Variants in CCDC85A observed in about 807,000 individuals in gnomAD.
CCDC85A encodes the protein coiled-coil domain containing 85A.
A neutral mutation model predicts 50.2 loss-of-function variants in CCDC85A; 38 were observed. The observed-to-expected ratio is 0.76, with a 90% confidence interval of 0.58 to 0.99. The LOEUF (loss-of-function observed/expected upper bound fraction) is 0.99. Among genes scored for constraint, CCDC85A ranks in the 50% least tolerant of loss-of-function variants. CCDC85A has a pLI of 0.00. For missense variants in CCDC85A, 820 were observed against 742.0 expected, an observed-to-expected ratio of 1.11 and a Z score of -1.22; for synonymous variants, 366 against 301.4, an observed-to-expected ratio of 1.21 and a Z score of -2.22.
At chr2:56,190,703 G>A (rs186526224) in intron 1 of CCDC85A, among the ~76,000 whole-genome samples, 120 of 152,182 alleles carry the variant, frequency 7.9e-4, no homozygotes, top group Non-Finnish European at 1.4e-3. Flanking sequence ...TGTGTGATGA[G>A]GAGGGGTGTT....
chr2:56,267,078 A>T (rs986942629), intron 2 of CCDC85A, among the ~76,000 whole-genome samples: 1 of 152,068 alleles, frequency 6.6e-6, no homozygotes, highest in Non-Finnish European at 1.5e-5. Flanking sequence ...TGTTGTATGT[A>T]ATTATGGACA....
At chr2:56,316,558 G>A (rs963064928) in intron 2 of CCDC85A, among the ~76,000 whole-genome samples, 3 of 152,098 alleles carry the variant, frequency 2.0e-5, no homozygotes, top group Non-Finnish European at 2.9e-5. Flanking sequence ...GTTTACTGGT[G>A]TAGATATGAT....
intron 1 of CCDC85A, among the ~76,000 whole-genome samples, chr2:56,191,781 G>A (rs961790938): frequency 2.6e-5 from 4 of 152,218 alleles, no homozygotes; most frequent in African/African-American, 9.7e-5. Context: ...GTAGGGGTTG[G>A]ATGTGCAGGG....
chr2:56,193,530 G>A, intron 2 of CCDC85A, 90 bp downstream of exon 2: 1 of 1,396,908 alleles, frequency 7.2e-7, no homozygotes, highest in South Asian at 1.5e-5. Flanking sequence ...ATGTAAGAAA[G>A]TGCAGGCGCT....
intron 2 of CCDC85A, among the ~76,000 whole-genome samples, chr2:56,285,271 T>A (rs1467343107): frequency 6.6e-6 from 1 of 151,048 alleles, no homozygotes; most frequent in East Asian, 1.9e-4. Flanking sequence ...CCAGCTAATT[T>A]TTTTGTGTTT....
chr2:56,335,866 C>T (rs1674047252), intron 2 of CCDC85A, among the ~76,000 whole-genome samples: 1 of 152,076 alleles, frequency 6.6e-6, no homozygotes. Context: ...TGCTAAAGTG[C>T]TGGGATTACA....
intron 2 of CCDC85A, among the ~76,000 whole-genome samples, chr2:56,255,657 T>C (rs774253590): frequency 4.6e-5 from 7 of 152,030 alleles, no homozygotes; most frequent in Non-Finnish European, 7.4e-5. Context: ...GACCAGGTCA[T>C]TGGGCTGGGA....
chr2:56,361,110 C>T (rs747106595), intron 3 of CCDC85A, among the ~76,000 whole-genome samples: 2 of 152,210 alleles, frequency 1.3e-5, no homozygotes, highest in Admixed American at 6.5e-5. Context: ...AAACCTTAGC[C>T]GGGCGTGGTG....
intron 2 of CCDC85A, among the ~76,000 whole-genome samples, chr2:56,252,693 G>C (rs897168296): frequency 5.9e-5 from 9 of 151,826 alleles, no homozygotes; most frequent in African/African-American, 1.9e-4. Flanking sequence ...CCCTCCTCGG[G>C]CCCCCCCGCC....
chr2:56,258,700 C>G (rs1558610187), intron 2 of CCDC85A, among the ~76,000 whole-genome samples: 1 of 152,190 alleles, frequency 6.6e-6, no homozygotes, highest in Non-Finnish European at 1.5e-5. Context: ...AAAGTAGTTA[C>G]CTCATAAAGT....
At chr2:56,278,144 T>C (rs1428283217) in intron 2 of CCDC85A, among the ~76,000 whole-genome samples, 1 of 152,132 alleles carries the variant, frequency 6.6e-6, no homozygotes, top group East Asian at 1.9e-4. Flanking sequence ...AGAACCTGTG[T>C]GTCTTTAGTG....
intron 3 of CCDC85A, among the ~76,000 whole-genome samples, chr2:56,365,868 G>A (rs1285847168): frequency 2.0e-5 from 3 of 152,024 alleles, no homozygotes; most frequent in Admixed American, 2.0e-4. Context: ...TATTCCTCCT[G>A]TCTAACTGAA....
chr2:56,358,779 C>G (rs1675366005), intron 3 of CCDC85A, among the ~76,000 whole-genome samples: 1 of 132,544 alleles, frequency 7.5e-6, no homozygotes, highest in Non-Finnish European at 1.6e-5. Context: ...ATATTTTTGT[C>G]TTTTTTTCTT....
intron 3 of CCDC85A, among the ~76,000 whole-genome samples, chr2:56,355,208 T>G (rs1221343902): frequency 6.6e-6 from 1 of 152,038 alleles, no homozygotes; most frequent in African/African-American, 2.4e-5. Context: ...CTGAGAAAAT[T>G]CCCCCACCCT....
chr2:56,236,737 C>T (rs2103953263), intron 2 of CCDC85A, among the ~76,000 whole-genome samples: 1 of 152,268 alleles, frequency 6.6e-6, no homozygotes, highest in South Asian at 2.1e-4. Flanking sequence ...GAATCCAGAT[C>T]TCCTGCATGG....
Position 56,184,590 on chromosome 2 carries a change from T to C in CCDC85A, c.-35T>C. On this transcript the variant is annotated 5_prime_UTR_variant, in exon 1 of 6. Transcript: ENST00000407595. ...GCGCCTTCGGGAGTCGCCTCGCCTC[T>C]TCCACCCACTTGCACCTGCCACCCC... 1 of 1,386,344 alleles carries C rather than the reference T, an allele frequency of 7.2e-7. No individual in the cohort carries two copies. Among genetic ancestry groups the C allele is most frequent in the Non-Finnish European group, 9.2e-7 (1 of 1,083,118 alleles). 85.9% of individuals were successfully genotyped at this position (1,386,344 alleles called of 1,614,324 possible). A position where few individuals can be genotyped will look rare whatever the true frequency, so the allele number is the denominator to read the frequency against.
chr2:56,259,990 A>G (rs777745455), intron 2 of CCDC85A, among the ~76,000 whole-genome samples: 1 of 152,164 alleles, frequency 6.6e-6, no homozygotes, highest in Non-Finnish European at 1.5e-5. Flanking sequence ...CTATCCTGCT[A>G]AAGTGTTGTC....
intron 2 of CCDC85A, among the ~76,000 whole-genome samples, chr2:56,234,125 G>T (rs573399005): frequency 1.4e-4 from 22 of 152,222 alleles, no homozygotes; most frequent in South Asian, 1.0e-3. Context: ...TAAAATAGAG[G>T]ATATCTGTCC....
intron 2 of CCDC85A, among the ~76,000 whole-genome samples, chr2:56,280,426 G>A (rs1420630914): frequency 3.3e-5 from 5 of 152,156 alleles, no homozygotes; most frequent in African/African-American, 1.2e-4. Context: ...ATGAGAGTGA[G>A]ATGCTTAAAG....
Sources: allele counts gnomAD v4.1 joint callset (sites outside exome capture counted in the v4.1 genomes callset), GRCh38; gene constraint gnomAD v4.1.1; transcripts MANE v1.5; gene names NCBI Gene and HGNC (gene_info 2026-07-23, HGNC 2026-07-21).